Variants in SHC3 observed in about 807,000 individuals in gnomAD.
The protein encoded by SHC3 is SHC-transforming protein 3.
A neutral mutation model predicts 60.4 loss-of-function variants in SHC3; 15 were observed. The ratio of observed to expected loss-of-function variants is 0.25; its 90% confidence interval spans 0.17 to 0.38. SHC3 has a LOEUF of 0.38. Among genes scored for constraint, SHC3 ranks in the 10% least tolerant of loss-of-function variants. SHC3 has a pLI of 1.00. For missense variants in SHC3, 677 were observed against 786.1 expected (o/e 0.86, Z 1.66); for synonymous variants, 294 against 325.9 (o/e 0.90, Z 1.05).
At chr9:89,119,361 T>C (rs1826059829) in intron 1 of SHC3, among the ~76,000 whole-genome samples, 1 of 151,934 alleles carries the variant, frequency 6.6e-6, no homozygotes, top group African/African-American at 2.4e-5. Context: ...CATAAATGCA[T>C]CAAACCTGCC....
chr9:89,169,217 C>T (rs984749108), intron 1 of SHC3, among the ~76,000 whole-genome samples: 7 of 152,192 alleles, frequency 4.6e-5, no homozygotes, highest in African/African-American at 1.7e-4. Flanking sequence ...CTGCCGGACA[C>T]TGAGCAGAGG....
chr9:89,099,619 T>C (rs113526167), intron 2 of SHC3, among the ~76,000 whole-genome samples: 3,701 of 152,284 alleles, frequency 0.024, 68 homozygotes, highest in Middle Eastern at 0.068. Context: ...GAAATGCTGG[T>C]GTACTGATCA....
Position 89,112,591 on chromosome 9 carries a change from C to T in SHC3, c.510G>A (p.Arg170=), listed in dbSNP as rs766890849. The change falls in exon 2 of 12, where the codon AGG becomes AGA. Residue 170 remains arginine (R), a synonymous_variant. Transcript: ENST00000375835. ...LGCIEVLRSM[R]SLDFSTRTQI... ...GTGTTCTTGTACTGAAGTCAAGAGA[C>T]CTCATTGAGCGCAGAACTTCAATGC... 1 of 1,597,774 alleles carries T rather than the reference C, an allele frequency of 6.3e-7. No individual in the cohort carries two copies. The highest frequency in any genetic ancestry group is 2.3e-5 in the East Asian group (1 of 43,732).
chr9:89,095,759 A>G (rs1227441802), intron 2 of SHC3, among the ~76,000 whole-genome samples: 1 of 152,176 alleles, frequency 6.6e-6, no homozygotes, highest in Non-Finnish European at 1.5e-5. Flanking sequence ...GCAGGGACAG[A>G]CAAACTGACT....
intron 1 of SHC3, among the ~76,000 whole-genome samples, chr9:89,169,552 C>T (rs528344292): frequency 3.0e-4 from 46 of 152,232 alleles, no homozygotes; most frequent in African/African-American, 1.0e-3. Flanking sequence ...ATTCCCACTG[C>T]GTGAGGAGGG....
chr9:89,158,788 T>C (rs1356983231), intron 1 of SHC3, among the ~76,000 whole-genome samples: 1 of 152,248 alleles, frequency 6.6e-6, no homozygotes, highest in Non-Finnish European at 1.5e-5. Flanking sequence ...TCAACTGTAA[T>C]AGGACTCTAG....
chr9:89,164,086 T>A (rs544082192), intron 1 of SHC3, among the ~76,000 whole-genome samples: 5 of 152,134 alleles, frequency 3.3e-5, no homozygotes, highest in Non-Finnish European at 7.3e-5. Context: ...ACACAGACAC[T>A]CAGTCCATAA....
At chr9:89,029,404 G>A (rs1302254738) in intron 11 of SHC3, among the ~76,000 whole-genome samples, 1 of 151,700 alleles carries the variant, frequency 6.6e-6, no homozygotes, top group African/African-American at 2.4e-5. Flanking sequence ...TAACCATAAG[G>A]GATGAAGAAT....
chr9:89,125,549 G>A (rs927254600), intron 1 of SHC3, among the ~76,000 whole-genome samples: 2 of 152,050 alleles, frequency 1.3e-5, no homozygotes, highest in African/African-American at 2.4e-5. Flanking sequence ...AGACCTAAAG[G>A]GCTGCGTTCC....
intron 1 of SHC3, among the ~76,000 whole-genome samples, chr9:89,143,012 G>A (rs1420140315): frequency 2.0e-5 from 3 of 152,146 alleles, no homozygotes; most frequent in African/African-American, 7.2e-5. Context: ...ACTCAAGAGA[G>A]GGATATTGGA....
intron 1 of SHC3, among the ~76,000 whole-genome samples, chr9:89,173,827 A>G (rs1447465614): frequency 6.6e-6 from 1 of 152,214 alleles, no homozygotes; most frequent in Non-Finnish European, 1.5e-5. Context: ...TCCAGATCAA[A>G]TTAATAACTT....
chr9:89,046,781 C>A, intron 8 of SHC3, 63 bp downstream of exon 8: 3 of 1,392,564 alleles, frequency 2.2e-6, no homozygotes, highest in South Asian at 2.0e-5. Context: ...CCAAAGAAAA[C>A]AAAAGGAAAT....
intron 1 of SHC3, among the ~76,000 whole-genome samples, chr9:89,144,906 C>T (rs772303831): frequency 3.3e-5 from 5 of 152,078 alleles, no homozygotes; most frequent in South Asian, 2.1e-4. Context: ...ACAGGGCTGG[C>T]GAGGATATAT....
chr9:89,094,611 ATT>A (rs1825673097), intron 2 of SHC3, among the ~76,000 whole-genome samples: 1 of 152,188 alleles, frequency 6.6e-6, no homozygotes, highest in Non-Finnish European at 1.5e-5. Context: ...TGTAGGGATC[ATT>A]ATGATTTCCT....
rs1325907008 is a variant in SHC3 at position 89,093,379 on chromosome 9, C to T, written c.546-15476G>A. Among the ~76,000 whole-genome samples the T allele has an allele frequency of 4.6e-5, 7 of 152,072 alleles. No homozygotes were observed. In the South Asian group the frequency reaches 1.2e-3, roughly 27 times the overall value. On this transcript the variant is annotated intron_variant, in intron 2 of 11. Coordinates refer to ENST00000375835, the MANE Select transcript of SHC3 (RefSeq NM_016848.6). ...GAAAAGGCTGCTGACTGAAAAAGGG[C>T]ACAAGAGATTTTTGGGAGTGGTAGA... is the stretch of plus-strand genomic sequence containing the variant.
intron 1 of SHC3, among the ~76,000 whole-genome samples, chr9:89,150,965 T>C (rs1826537418): frequency 6.6e-6 from 1 of 152,158 alleles, no homozygotes; most frequent in Admixed American, 6.5e-5. Context: ...ATTTCCCTAA[T>C]GAGTAAAGAT....
At chr9:89,119,547 A>G (rs764850359) in intron 1 of SHC3, among the ~76,000 whole-genome samples, 2 of 152,180 alleles carry the variant, frequency 1.3e-5, no homozygotes, top group East Asian at 1.9e-4. Context: ...GCAAGAACGA[A>G]AAAACATAAA....
Position 89,070,326 on chromosome 9 carries a change from C to A in SHC3, c.783+873G>T, listed in dbSNP as rs376505088. 4.5e-4 allele frequency among the ~76,000 whole-genome samples: 69 copies of A among 152,250 alleles called. 3 individuals carry two copies. The South Asian group carries it at 0.013, about 29-fold the overall frequency. On this transcript the variant is annotated intron_variant, in intron 5 of 11. Transcript: ENST00000375835. ...AGATGAGAACTTTCCGGAGGGTGAG[C>A]CTTCTTCCCTCTCCCTTCTGGAAAG...
intron 1 of SHC3, among the ~76,000 whole-genome samples, chr9:89,130,807 A>C (rs1343268059): frequency 2.6e-5 from 4 of 152,212 alleles, no homozygotes; most frequent in African/African-American, 9.6e-5. Flanking sequence ...AGAAAGCAGG[A>C]AAGATCTAAA....
Sources: allele counts gnomAD v4.1 joint callset (sites outside exome capture counted in the v4.1 genomes callset), GRCh38; gene constraint gnomAD v4.1.1; transcripts MANE v1.5; gene names NCBI Gene and HGNC (gene_info 2026-07-23, HGNC 2026-07-21).